DSCAML1: variants seen among roughly 807,000 people sequenced by gnomAD.
The protein encoded by DSCAML1 is cell adhesion molecule DSCAML1.
DSCAML1 carries 38 observed loss-of-function variants against 200.5 expected under a neutral mutation model. The observed-to-expected ratio is 0.19, with a 90% confidence interval of 0.15 to 0.25. DSCAML1 has a LOEUF of 0.25. Ranked by LOEUF, DSCAML1 falls within the 10% of genes least tolerant of loss-of-function variation. The pLI is 1.00. For missense variants in DSCAML1, 2,223 were observed against 2,858.8 expected (o/e 0.78, Z 5.07); for synonymous variants, 1,215 against 1,165.0 (o/e 1.04, Z -0.87).
intron 3 of DSCAML1, among the ~76,000 whole-genome samples, chr11:117,727,607 G>A (rs1172686930): frequency 2.6e-5 from 4 of 152,208 alleles, no homozygotes; most frequent in Non-Finnish European, 5.9e-5. Context: ...ACTGTATCCA[G>A]GTGAATGTCG....
chr11:117,628,579 C>T (rs924468330), intron 3 of DSCAML1, among the ~76,000 whole-genome samples: 1 of 152,182 alleles, frequency 6.6e-6, no homozygotes, highest in African/African-American at 2.4e-5. Context: ...CATCTCCATA[C>T]CGGCTCCTCT....
At chr11:117,460,237 C>T (rs2137144684) in intron 18 of DSCAML1, among the ~76,000 whole-genome samples, 1 of 152,352 alleles carries the variant, frequency 6.6e-6, no homozygotes. Flanking sequence ...CCTGACACTG[C>T]ACAGCAAAAG....
At chr11:117,752,494 C>T (rs1315220058) in intron 3 of DSCAML1, among the ~76,000 whole-genome samples, 3 of 152,136 alleles carry the variant, frequency 2.0e-5, no homozygotes, top group East Asian at 1.9e-4. Flanking sequence ...AAGCTTAATC[C>T]AGAACTCCTC....
chr11:117,574,873 A>G (rs1280285845), intron 3 of DSCAML1, among the ~76,000 whole-genome samples: 1 of 152,184 alleles, frequency 6.6e-6, no homozygotes, highest in African/African-American at 2.4e-5. Context: ...CTACAGTCCC[A>G]GGGGTGAGCA....
chr11:117,777,547 TG>T (rs953705783), intron 2 of DSCAML1, among the ~76,000 whole-genome samples: 4 of 152,200 alleles, frequency 2.6e-5, no homozygotes, highest in African/African-American at 9.7e-5. Flanking sequence ...AGAGAATGTT[TG>T]GGACTACGAT....
At chr11:117,787,674 GACC>G (rs2055383656) in intron 1 of DSCAML1, among the ~76,000 whole-genome samples, 1 of 152,138 alleles carries the variant, frequency 6.6e-6, no homozygotes, top group African/African-American at 2.4e-5. Context: ...TGGCTGACAA[GACC>G]CTACCACCAC....
chr11:117,652,341 G>C (rs2052650311), intron 3 of DSCAML1, among the ~76,000 whole-genome samples: 1 of 152,240 alleles, frequency 6.6e-6, no homozygotes, highest in Non-Finnish European at 1.5e-5. Flanking sequence ...ATCCCCATGG[G>C]AAAGAACCAG....
At chr11:117,597,956 C>A (rs1262567118) in intron 3 of DSCAML1, among the ~76,000 whole-genome samples, 1 of 152,050 alleles carries the variant, frequency 6.6e-6, no homozygotes, top group African/African-American at 2.4e-5. Flanking sequence ...TCAGCCTGGG[C>A]ATACTGAGCG....
At chr11:117,593,945 C>T (rs537341601) in intron 3 of DSCAML1, among the ~76,000 whole-genome samples, 1 of 152,052 alleles carries the variant, frequency 6.6e-6, no homozygotes, top group Non-Finnish European at 1.5e-5. Context: ...GATCTCCTGA[C>T]CTCGTGATCC....
chr11:117,722,739 C>G (rs1439805870), intron 3 of DSCAML1, among the ~76,000 whole-genome samples: 10 of 152,096 alleles, frequency 6.6e-5, no homozygotes, highest in Non-Finnish European at 1.3e-4. Context: ...TGGACTGGCC[C>G]GCCTTGCCAC....
chr11:117,799,499 A>G (rs1278388622), upstream of DSCAML1, among the ~76,000 whole-genome samples: 2 of 152,208 alleles, frequency 1.3e-5, no homozygotes, highest in Non-Finnish European at 2.9e-5. Flanking sequence ...CATGTGTGTT[A>G]CCCGAAGGGC....
intron 3 of DSCAML1, among the ~76,000 whole-genome samples, chr11:117,656,536 TATCTATCTATCC>T (rs1386456165): frequency 2.0e-4 from 30 of 149,976 alleles, no homozygotes; most frequent in African/African-American, 7.1e-4. Flanking sequence ...TCTATCTATC[TATCTATCTATCC>T]ATCCATCCAC....
Position 117,797,157 on chromosome 11 carries a change from G to T in DSCAML1, c.-78C>A. 1 of 1,585,796 alleles carries T rather than the reference G, an allele frequency of 6.3e-7. No homozygotes were observed. The highest frequency in any genetic ancestry group is 8.6e-7 in the Non-Finnish European group (1 of 1,167,648). ...GCAGCGCCTCTCCCCCGCTCAGCGCGCTCCCAGCCGCCCGCACTCGGCGCC... is the reference window on the plus strand; with the variant it reads ...GCAGCGCCTCTCCCCCGCTCAGCGCTCTCCCAGCCGCCCGCACTCGGCGCC... On this transcript the variant is annotated 5_prime_UTR_variant, in exon 1 of 33. Transcript: ENST00000651296.
At chr11:117,712,681 A>C (rs2053871253) in intron 3 of DSCAML1, among the ~76,000 whole-genome samples, 1 of 152,080 alleles carries the variant, frequency 6.6e-6, no homozygotes, top group East Asian at 1.9e-4. Flanking sequence ...CATTCATCCT[A>C]ACAGCTGAGA....
chr11:117,545,140 G>T (rs2050346847), intron 3 of DSCAML1, among the ~76,000 whole-genome samples: 1 of 151,986 alleles, frequency 6.6e-6, no homozygotes, highest in Non-Finnish European at 1.5e-5. Context: ...CGAGGCAGGA[G>T]AATTGCTTGA....
intron 3 of DSCAML1, among the ~76,000 whole-genome samples, chr11:117,610,393 G>A (rs11824398): frequency 0.037 from 5,658 of 152,204 alleles, 181 homozygotes; most frequent in South Asian, 0.088. Flanking sequence ...GAAGGGTGGT[G>A]CAGATTCTTA....
intron 20 of DSCAML1, among the ~76,000 whole-genome samples, chr11:117,446,356 C>T (rs1343889949): frequency 2.0e-5 from 3 of 148,584 alleles, no homozygotes; most frequent in Admixed American, 2.0e-4. Context: ...AAGAGTGAAA[C>T]TCTGTCTCAA....
intron 3 of DSCAML1, among the ~76,000 whole-genome samples, chr11:117,724,617 G>T (rs1165337833): frequency 1.3e-5 from 2 of 152,242 alleles, no homozygotes; most frequent in Non-Finnish European, 2.9e-5. Flanking sequence ...TTGATTGAAA[G>T]GTTGTCTGGT....
At chr11:117,545,234 AACACACACACACAC>A (rs758060622) in intron 3 of DSCAML1, among the ~76,000 whole-genome samples, 6 of 143,404 alleles carry the variant, frequency 4.2e-5, no homozygotes, top group Non-Finnish European at 7.5e-5. Context: ...CGTAAAAAAA[AACACACACACACAC>A]ACACACACAC....
Sources: gnomAD v4.1 joint callset for allele counts (sites outside exome capture counted in the v4.1 genomes callset) on GRCh38, gnomAD v4.1.1 for gene constraint, MANE v1.5 for transcripts, NCBI Gene and HGNC (gene_info 2026-07-23, HGNC 2026-07-21) for gene names.